Variants in PTPRU observed in about 807,000 individuals in gnomAD.
PTPRU encodes receptor-type tyrosine-protein phosphatase U.
Under a neutral mutation model 166.3 loss-of-function variants are expected in PTPRU, and 69 were observed. The observed-to-expected ratio is 0.41, with a 90% CI of 0.34 to 0.51. The LOEUF (loss-of-function observed/expected upper bound fraction) is 0.51. PTPRU is among the 20% of genes least tolerant of loss of function. The pLI is 0.09. For missense variants in PTPRU, 1,657 were observed against 2,013.7 expected (o/e 0.82, Z 3.39); for synonymous variants, 793 against 814.0 (o/e 0.97, Z 0.44).
intron 15 of PTPRU, among the ~76,000 whole-genome samples, chr1:29,293,426 CCCTTGA>C (rs1686735608): frequency 6.6e-6 from 1 of 151,392 alleles, no homozygotes; most frequent in South Asian, 2.1e-4. Flanking sequence ...TGCCCAGCCT[CCCTTGA>C]AATTTGTGTT....
At position 29,323,671 on chromosome 1, in the gene PTPRU, T is replaced by C; in HGVS notation, c.3995T>C (p.Leu1332Pro). 1 of 1,614,116 alleles carries C rather than the reference T, an allele frequency of 6.2e-7. No homozygotes were observed. The change falls in exon 28 of 30, where the codon CTG becomes CCG. Residue 1332 changes from leucine (L) to proline (P), a missense_variant. By Grantham distance (98) the Leu-to-Pro change is moderately conservative. This residue lies in a region of PTPRU where 1,190 missense variants were observed against 1,477.4 expected (regional missense o/e 0.81). Coordinates refer to ENST00000373779, the MANE Select transcript of PTPRU (RefSeq NM_133178.4). Reference sequence around the variant, plus strand: ...CTGCTGGTGCGGCACTTCCAGTTCCTGCGCTGGTCTGCATACCGGGACACA... The same window carrying C: ...CTGCTGGTGCGGCACTTCCAGTTCCCGCGCTGGTCTGCATACCGGGACACA... ...GHLLVRHFQF[L>P]RWSAYRDTPD...
Position 29,288,856 on chromosome 1 carries a change from C to T in PTPRU, c.2319-3013C>T, listed in dbSNP as rs374492883. Among the ~76,000 whole-genome samples the T allele has an allele frequency of 4.2e-4, 64 of 152,292 alleles. 1 individual carries two copies. The South Asian group carries it at 0.012, about 28-fold the overall frequency. On this transcript the variant is annotated intron_variant, in intron 14 of 29. Transcript: ENST00000373779. ...CCCATGCTCCCTGACTCAGCTTCCCCGCCTATGAAATGGGAATCCAACCTG... is the reference window on the plus strand; with the variant it reads ...CCCATGCTCCCTGACTCAGCTTCCCTGCCTATGAAATGGGAATCCAACCTG...
chr1:29,290,452 C>T (rs1387949259), intron 14 of PTPRU, among the ~76,000 whole-genome samples: 3 of 152,222 alleles, frequency 2.0e-5, no homozygotes, highest in Non-Finnish European at 2.9e-5. Flanking sequence ...CACAGCCTGC[C>T]GATGCTACTC....
In PTPRU at chr1:29,236,663, C is replaced by A; in HGVS notation, c.19C>A (p.Leu7Ile). ...TCCAACCATGGCCCGTGCCCAGGCGCTCGTGCTGGCACTCACCTTCCAGCT... is the reference window on the plus strand; with the variant it reads ...TCCAACCATGGCCCGTGCCCAGGCGATCGTGCTGGCACTCACCTTCCAGCT... MARAQA[L>I]VLALTFQLCA... Residue 7 changes from leucine (L) to isoleucine (I), a missense_variant, in exon 1 of 30, where the codon CTC (leucine) becomes ATC (isoleucine). Leu to Ile is a conservative substitution (Grantham distance 5). Transcript: ENST00000373779. This position sits in a 1 kb window ranked among gnomAD's most constrained non-coding sequence, Gnocchi z 4.6. 1 of 1,429,858 alleles carries A rather than the reference C, an allele frequency of 7.0e-7. No individual in the cohort carries two copies. Among genetic ancestry groups the A allele is most frequent in the Non-Finnish European group, 9.2e-7 (1 of 1,090,126 alleles). The allele number at this position is 1,429,858 out of a possible 1,614,324, so 88.6% of individuals were successfully genotyped here.
chr1:29,279,170 G>A lies in PTPRU; in HGVS notation c.1563+49G>A, dbSNP rs756661606. The A allele has an allele frequency of 1.7e-5, 25 of 1,442,234 alleles. No homozygotes were observed. In the Admixed American group the frequency reaches 4.6e-4, roughly 26 times the overall value. The allele number at this position is 1,442,234 out of a possible 1,614,324, so 89.3% of individuals were successfully genotyped here. A position where few individuals can be genotyped will look rare whatever the true frequency, so the allele number is the denominator to read the frequency against. ...TGGGGGACCCTGGTGGAAGGTGAGAGGTGGCCCTCTTTCTCTCTGCTGCTA... is the reference window on the plus strand; with the variant it reads ...TGGGGGACCCTGGTGGAAGGTGAGAAGTGGCCCTCTTTCTCTCTGCTGCTA... On this transcript the variant is annotated intron_variant, in intron 9 of 29. Transcript: ENST00000373779. The surrounding 1 kb of genome is among the most constrained non-coding windows in gnomAD (Gnocchi z 5.2).
intron 1 of PTPRU, among the ~76,000 whole-genome samples, chr1:29,247,665 TGTCTGGCA>T (rs1684360571): frequency 6.6e-6 from 1 of 152,238 alleles, no homozygotes; most frequent in Non-Finnish European, 1.5e-5. Flanking sequence ...CCTTTTCCTC[TGTCTGGCA>T]TCCAGCCCTG....
chr1:29,294,417 T>C (rs1686790066), intron 15 of PTPRU, among the ~76,000 whole-genome samples: 1 of 152,216 alleles, frequency 6.6e-6, no homozygotes, highest in Non-Finnish European at 1.5e-5. Flanking sequence ...TTCTATTGGG[T>C]TTTCTGTTGC....
At chr1:29,278,488 C>T (rs530257759) in intron 8 of PTPRU, among the ~76,000 whole-genome samples, 1 of 152,208 alleles carries the variant, frequency 6.6e-6, no homozygotes, top group Non-Finnish European at 1.5e-5. Context: ...TTAACAGTAT[C>T]TCTGGGTGAT....
intron 8 of PTPRU, among the ~76,000 whole-genome samples, chr1:29,276,358 C>T (rs572889188): frequency 3.3e-5 from 5 of 152,268 alleles, no homozygotes; most frequent in African/African-American, 1.2e-4. Flanking sequence ...CACTTTTGTC[C>T]AGGTGGGAGT....
chr1:29,239,611 C>T (rs1683948341), intron 1 of PTPRU, among the ~76,000 whole-genome samples: 1 of 152,136 alleles, frequency 6.6e-6, no homozygotes. Context: ...TTTTCATCAG[C>T]TCAGCTGGGC....
chr1:29,246,233 A>G (rs1684290926), intron 1 of PTPRU, among the ~76,000 whole-genome samples: 1 of 152,248 alleles, frequency 6.6e-6, no homozygotes, highest in African/African-American at 2.4e-5. Context: ...ACTGCTGCTG[A>G]AACGCTGCCC....
At position 29,282,685 on chromosome 1, in the gene PTPRU, G is replaced by A. The variant is rs761217742; in HGVS notation, c.1878G>A (p.Gln626=). 1.8e-5 allele frequency: 29 copies of A among 1,612,372 alleles called. No homozygotes were observed. In the Admixed American group the frequency reaches 4.8e-4, roughly 27 times the overall value. ...TCTCCTCCCTGTCCAGTGTGTACCA[G>A]GTGATTGTGGAGGAGGAGCGGGCGC... ...QGRGAPISVY[Q]VIVEEERARR... is the part of the protein sequence containing the mutation. Residue 626 remains glutamine, a synonymous_variant, in exon 12 of 30, where the codon CAG becomes CAA. Transcript: ENST00000373779.
chr1:29,247,495 AC>A (rs1186133940), intron 1 of PTPRU, among the ~76,000 whole-genome samples: 5 of 152,130 alleles, frequency 3.3e-5, no homozygotes, highest in East Asian at 1.9e-4. Flanking sequence ...CTCTCCATGG[AC>A]CTTTATGAAG....
chr1:29,273,223 G>A (rs1476983245), intron 7 of PTPRU, among the ~76,000 whole-genome samples: 1 of 152,200 alleles, frequency 6.6e-6, no homozygotes, highest in Admixed American at 6.5e-5. Context: ...TAAGGGCTGA[G>A]TCCTGGGCTC....
At chr1:29,286,029 AGTT>A (rs1392452639) in intron 14 of PTPRU, among the ~76,000 whole-genome samples, 1 of 152,184 alleles carries the variant, frequency 6.6e-6, no homozygotes, top group Non-Finnish European at 1.5e-5. Context: ...TACATGGATG[AGTT>A]GGTTGTATCT....
At chr1:29,284,660 A>G in intron 13 of PTPRU, 71 bp from the exon 14 acceptor site, 1 of 1,609,156 alleles carries the variant, frequency 6.2e-7, no homozygotes, top group Non-Finnish European at 8.5e-7. Flanking sequence ...CCTTGGGCAC[A>G]GCCACCTACA....
rs1686137360 is a variant in PTPRU, at chr1:29,282,775, G to A, written c.1968G>A (p.Ala656=). 1.2e-6 allele frequency: 2 copies of A among 1,614,096 alleles called. No individual in the cohort carries two copies. The highest frequency in any genetic ancestry group is 1.7e-5 in the Admixed American group (1 of 60,028). The change falls in exon 12 of 30, where the codon GCG becomes GCA. Residue 656 remains alanine, a synonymous_variant. Transcript: ENST00000373779. ...CAGTGCCATTGACCTTCGAGGCGGC[G>A]CTGGCCCGAGGCCTGGTGCACTACT... ...CFPVPLTFEA[A]LARGLVHYFG... is the part of the protein sequence containing the mutation.
chr1:29,283,284 C>T (rs1025841843), intron 12 of PTPRU, among the ~76,000 whole-genome samples: 2 of 151,432 alleles, frequency 1.3e-5, no homozygotes, highest in African/African-American at 4.9e-5. Context: ...TCCCACAGCC[C>T]CACCTCCCAG....
intron 12 of PTPRU, 25 bp from the exon 13 acceptor site, chr1:29,283,915 C>T (rs1488946509): frequency 6.2e-7 from 1 of 1,614,038 alleles, no homozygotes; most frequent in Non-Finnish European, 8.5e-7. Flanking sequence ...TTCAGCAACG[C>T]TGAGACCCCC....
Sources: allele counts gnomAD v4.1 joint callset (sites outside exome capture counted in the v4.1 genomes callset), GRCh38; gene constraint gnomAD v4.1.1; regional missense constraint gnomAD v4.1.1; non-coding constraint Gnocchi (gnomAD v3.1); transcripts MANE v1.5; gene names NCBI Gene and HGNC (gene_info 2026-07-23, HGNC 2026-07-21).